The following ROR1 variants were observed in gnomAD, a reference collection of about 807,000 sequenced individuals.
The protein encoded by ROR1 is inactive tyrosine-protein kinase transmembrane receptor ROR1.
A neutral mutation model predicts 78.8 loss-of-function variants in ROR1; 19 were observed. That is an observed-to-expected ratio of 0.24 (90% CI 0.17 to 0.35). The LOEUF is 0.35. Ranked by LOEUF, ROR1 falls within the 10% of genes least tolerant of loss-of-function variation. The probability of loss-of-function intolerance (pLI) is 1.00; values close to 1 mark genes in which losing one functional copy is unlikely to be tolerated. For synonymous variants in ROR1, 386 were observed against 433.6 expected (o/e 0.89, Z 1.36); for missense variants, 917 against 1,177.8 (o/e 0.78, Z 3.24).
intron 2 of ROR1, among the ~76,000 whole-genome samples, chr1:64,020,973 G>T (rs769588889): frequency 7.2e-5 from 11 of 151,926 alleles, no homozygotes; most frequent in Non-Finnish European, 1.0e-4. Context: ...TTTCTGTCAA[G>T]GCTTCATGCT....
chr1:64,134,687 G>A (rs1649039718), intron 4 of ROR1, among the ~76,000 whole-genome samples: 1 of 151,694 alleles, frequency 6.6e-6, no homozygotes, highest in African/African-American at 2.4e-5. Flanking sequence ...TGATTTAATA[G>A]GTCTAAGGTG....
At chr1:63,787,817 C>T (rs1249823280) in intron 1 of ROR1, among the ~76,000 whole-genome samples, 1 of 152,250 alleles carries the variant, frequency 6.6e-6, no homozygotes, top group Non-Finnish European at 1.5e-5. Flanking sequence ...TAAGCCACTG[C>T]ACCCGGCCTA....
chr1:63,976,673 T>C (rs1184066604), intron 1 of ROR1, among the ~76,000 whole-genome samples: 3 of 152,190 alleles, frequency 2.0e-5, no homozygotes, highest in Admixed American at 1.3e-4. Context: ...TGTCAGTCAC[T>C]TGGTCATATT....
At chr1:64,013,446 C>T (rs569693723) in intron 2 of ROR1, among the ~76,000 whole-genome samples, 1 of 152,266 alleles carries the variant, frequency 6.6e-6, no homozygotes, top group Admixed American at 6.5e-5. Context: ...TTTCAATAAT[C>T]TGCCTCCGAT....
intron 1 of ROR1, among the ~76,000 whole-genome samples, chr1:63,873,125 G>T (rs10889451): frequency 7.9e-5 from 12 of 151,710 alleles, no homozygotes; most frequent in Non-Finnish European, 1.5e-4. Context: ...TGAGAGACCT[G>T]CTGTGAACTG....
chr1:64,144,208 C>A (rs1649415993), intron 7 of ROR1, among the ~76,000 whole-genome samples: 1 of 152,104 alleles, frequency 6.6e-6, no homozygotes. Context: ...ACGGAGAAAA[C>A]TATAGGAGGA....
chr1:63,953,144 C>T (rs1645954257), intron 1 of ROR1, among the ~76,000 whole-genome samples: 1 of 152,186 alleles, frequency 6.6e-6, no homozygotes, highest in Non-Finnish European at 1.5e-5. Context: ...TTTATGAATA[C>T]TCCAATGTGC....
chr1:63,827,437 C>T (rs957726410), intron 1 of ROR1, among the ~76,000 whole-genome samples: 1 of 152,118 alleles, frequency 6.6e-6, no homozygotes, highest in African/African-American at 2.4e-5. Context: ...TCAGTAAGAA[C>T]TGTGGGTGGG....
In ROR1 at chr1:64,177,548, G is replaced by T. The variant is rs1215942100; in HGVS notation, c.1507G>T (p.Val503Phe). The T allele has an allele frequency of 6.2e-7, 1 of 1,613,988 alleles. No individual in the cohort carries two copies. The highest frequency in any genetic ancestry group is 1.7e-5 in the Admixed American group (1 of 59,998). The change falls in exon 9 of 9, where the codon GTT (valine) becomes TTT (phenylalanine). Residue 503 changes from valine (V) to phenylalanine (F), a missense_variant. Transcript: ENST00000371079. ...CCCAGGCATGGACCATGCTCAGCTG[G>T]TTGCTATCAAGACCTTGAAAGACTA... ...YLPGMDHAQL[V>F]AIKTLKDYNN...
intron 1 of ROR1, among the ~76,000 whole-genome samples, chr1:63,982,998 T>A (rs528742347): frequency 1.3e-5 from 2 of 152,220 alleles, no homozygotes. Flanking sequence ...ATATATAGTA[T>A]GTACTCTGTA....
chr1:63,942,369 T>C (rs543741307), intron 1 of ROR1, among the ~76,000 whole-genome samples: 3 of 152,356 alleles, frequency 2.0e-5, no homozygotes, highest in African/African-American at 7.2e-5. Flanking sequence ...TCCTTGTGTA[T>C]AATGTTAATA....
At chr1:63,937,529 T>A (rs1256742421) in intron 1 of ROR1, among the ~76,000 whole-genome samples, 1 of 152,104 alleles carries the variant, frequency 6.6e-6, no homozygotes, top group Non-Finnish European at 1.5e-5. Flanking sequence ...TATGGCTGAA[T>A]CATTTATACA....
chr1:64,001,951 C>G (rs984680081), intron 1 of ROR1, among the ~76,000 whole-genome samples: 1 of 152,060 alleles, frequency 6.6e-6, no homozygotes, highest in Non-Finnish European at 1.5e-5. Flanking sequence ...ACATTTTATT[C>G]AGTACTCTTC....
chr1:63,864,841 G>GTTTTTTTTTT (rs5774671), intron 1 of ROR1, among the ~76,000 whole-genome samples: 1 of 143,094 alleles, frequency 7.0e-6, no homozygotes, highest in African/African-American at 2.6e-5. Flanking sequence ...AAATTTCAAG[G>GTTTTTTTTTT]TTTTTTTTTT....
intron 1 of ROR1, among the ~76,000 whole-genome samples, chr1:63,999,339 G>C (rs1264761744): frequency 6.6e-6 from 1 of 152,184 alleles, no homozygotes; most frequent in Non-Finnish European, 1.5e-5. Flanking sequence ...TCAGCTCACT[G>C]TTTAGTTGTG....
At chr1:64,132,628 C>G (rs1261640520) in intron 4 of ROR1, among the ~76,000 whole-genome samples, 1 of 151,914 alleles carries the variant, frequency 6.6e-6, no homozygotes, top group African/African-American at 2.4e-5. Flanking sequence ...GGCATGGTAG[C>G]ACACGCCTCT....
At chr1:64,012,907 G>A (rs1199263683) in intron 2 of ROR1, among the ~76,000 whole-genome samples, 2 of 152,156 alleles carry the variant, frequency 1.3e-5, no homozygotes, top group African/African-American at 2.4e-5. Flanking sequence ...ATACACTCAG[G>A]TCAAGAATAG....
intron 2 of ROR1, among the ~76,000 whole-genome samples, chr1:64,048,987 G>A (rs1337705994): frequency 6.6e-6 from 1 of 152,146 alleles, no homozygotes; most frequent in Non-Finnish European, 1.5e-5. Context: ...GCATTTGCCT[G>A]TACTCATAGA....
At chr1:64,177,140 G>A (rs1418273404) in intron 8 of ROR1, among the ~76,000 whole-genome samples, 4 of 152,368 alleles carry the variant, frequency 2.6e-5, no homozygotes, top group African/African-American at 9.6e-5. Context: ...TTTGGGTGAT[G>A]CTGATGTTGC....
Sources: allele counts gnomAD v4.1 joint callset (sites outside exome capture counted in the v4.1 genomes callset), GRCh38; gene constraint gnomAD v4.1.1; transcripts MANE v1.5; gene names NCBI Gene and HGNC (gene_info 2026-07-23, HGNC 2026-07-21).